LINGO2: variants seen among roughly 807,000 people sequenced by gnomAD.
The protein encoded by LINGO2 is leucine rich repeat and Ig domain containing 2, also known as leucine-rich repeat and immunoglobulin-like domain-containing nogo receptor-interacting protein 2.
Under a neutral mutation model 30.6 loss-of-function variants are expected in LINGO2, and 14 were observed. That is an observed-to-expected ratio of 0.46 (90% CI 0.30 to 0.72). The LOEUF is 0.72. LINGO2 is among the 30% of genes least tolerant of loss of function. LINGO2 has a pLI of 0.07. For missense variants in LINGO2, 729 were observed against 751.7 expected (o/e 0.97, Z 0.35); for synonymous variants, 317 against 288.5 (o/e 1.10, Z -1.00).
chr9:28,010,835 G>A (rs759564788), intron 5 of LINGO2, among the ~76,000 whole-genome samples: 6 of 152,260 alleles, frequency 3.9e-5, no homozygotes, highest in East Asian at 3.9e-4. Context: ...TGTGCCTGTC[G>A]TCCCAGCTAC....
intron 4 of LINGO2, among the ~76,000 whole-genome samples, chr9:28,128,500 C>T (rs538904162): frequency 1.1e-4 from 17 of 152,282 alleles, no homozygotes; most frequent in Middle Eastern, 6.8e-3. Flanking sequence ...TAATTTCCCA[C>T]GCATGATACC....
intron 1 of LINGO2, among the ~76,000 whole-genome samples, chr9:28,669,682 C>T (rs1327950887): frequency 6.6e-6 from 1 of 151,854 alleles, no homozygotes; most frequent in Admixed American, 6.6e-5. Context: ...ATACACAAGC[C>T]ACCGTAAGGG....
At chr9:28,449,660 T>C (rs545190497) in intron 2 of LINGO2, among the ~76,000 whole-genome samples, 2 of 152,224 alleles carry the variant, frequency 1.3e-5, no homozygotes, top group African/African-American at 4.8e-5. Context: ...ACGACGAGTC[T>C]GGAAAATGGA....
chr9:28,380,603 G>T, intron 2 of LINGO2, among the ~76,000 whole-genome samples: 1 of 151,954 alleles, frequency 6.6e-6, no homozygotes, highest in East Asian at 1.9e-4. Flanking sequence ...TAGATGTCTG[G>T]AAAGATGAGA....
At chr9:27,980,903 G>A (rs1820822693) in intron 5 of LINGO2, among the ~76,000 whole-genome samples, 1 of 151,832 alleles carries the variant, frequency 6.6e-6, no homozygotes, top group Admixed American at 6.6e-5. Flanking sequence ...TAATGAATTA[G>A]GAACTAAAGG....
intron 2 of LINGO2, among the ~76,000 whole-genome samples, chr9:28,453,350 G>T (rs1824722864): frequency 1.3e-5 from 2 of 151,858 alleles, no homozygotes; most frequent in African/African-American, 4.8e-5. Context: ...AATTTTTTTG[G>T]ATGTGTGAAG....
At chr9:28,375,131 CACATACA>C (rs747978164) in intron 2 of LINGO2, among the ~76,000 whole-genome samples, 1,757 of 129,036 alleles carry the variant, frequency 0.014, 11 homozygotes, top group Admixed American at 0.02. Context: ...CACACACACA[CACATACA>C]CCCCACACTA....
At chr9:28,255,434 T>C (rs1822351481) in intron 4 of LINGO2, among the ~76,000 whole-genome samples, 1 of 152,048 alleles carries the variant, frequency 6.6e-6, no homozygotes, top group East Asian at 1.9e-4. Flanking sequence ...TGCTCTACTA[T>C]TTATTAGCTG....
chr9:29,134,815 AT>A, the LINGO2 span, among the ~76,000 whole-genome samples: 6,262 of 152,124 alleles, frequency 0.041, 198 homozygotes, highest in Admixed American at 0.079. Flanking sequence ...ATGAATTCAT[AT>A]ATATATCCTT....
At chr9:29,158,420 T>C in the LINGO2 span, among the ~76,000 whole-genome samples, 1 of 152,160 alleles carries the variant, frequency 6.6e-6, no homozygotes, top group Non-Finnish European at 1.5e-5. Context: ...GTGATACTCA[T>C]TCTATTAATA....
chr9:29,074,678 CTTTTTTTTTTT>C, the LINGO2 span, among the ~76,000 whole-genome samples: 2 of 88,006 alleles, frequency 2.3e-5, no homozygotes, highest in African/African-American at 1.1e-4. Flanking sequence ...AAATTACTTA[CTTTTTTTTTTT>C]TTTTTTTTTT....
intron 4 of LINGO2, among the ~76,000 whole-genome samples, chr9:28,215,289 G>T (rs1820725608): frequency 6.6e-6 from 1 of 151,804 alleles, no homozygotes; most frequent in Non-Finnish European, 1.5e-5. Flanking sequence ...ACACTTGAAA[G>T]AACAGGACAT....
At chr9:28,401,027 G>A (rs1015933291) in intron 2 of LINGO2, among the ~76,000 whole-genome samples, 6 of 151,784 alleles carry the variant, frequency 4.0e-5, no homozygotes, top group Admixed American at 1.3e-4. Flanking sequence ...ATTAACATAC[G>A]GAAATGTGTT....
the LINGO2 span, among the ~76,000 whole-genome samples, chr9:28,841,448 T>C: frequency 1.3e-5 from 2 of 151,956 alleles, no homozygotes; most frequent in African/African-American, 4.8e-5. Flanking sequence ...TCTACAAATA[T>C]ATGCAGAAAA....
the LINGO2 span, among the ~76,000 whole-genome samples, chr9:28,843,028 A>G: frequency 6.6e-6 from 1 of 151,792 alleles, no homozygotes; most frequent in Admixed American, 6.6e-5. Context: ...GAACATGATA[A>G]ACGCTAATAT....
chr9:28,413,614 A>C (rs1822856070), intron 2 of LINGO2, among the ~76,000 whole-genome samples: 1 of 152,090 alleles, frequency 6.6e-6, no homozygotes, highest in Non-Finnish European at 1.5e-5. Flanking sequence ...TTCTTGGCAC[A>C]GGGTACCACA....
the LINGO2 span, among the ~76,000 whole-genome samples, chr9:29,085,281 T>TAAAAAAAAAAAAAAAAA: frequency 3.9e-5 from 3 of 77,036 alleles, no homozygotes; most frequent in Non-Finnish European, 5.4e-5. Context: ...CTATGGTAAG[T>TAAAAAAAAAAAAAAAAA]AAAAAAAAAA....
chr9:28,188,714 A>T lies in LINGO2; in HGVS notation c.-87+106494T>A, dbSNP rs1422267291. ...TATGGTGACAAGCCAAGGAAAATGC[A>T]GAAATGGTCACTATAACTATAGCAC... is the stretch of plus-strand genomic sequence containing the variant. On this transcript the variant is annotated intron_variant, in intron 4 of 5. Coordinates refer to ENST00000379992, the Ensembl canonical transcript of LINGO2. 2.6e-5 allele frequency among the ~76,000 whole-genome samples: 4 copies of T among 152,178 alleles called. No individual in the cohort carries two copies. The East Asian group carries it at 7.7e-4, about 29-fold the overall frequency.
chr9:28,474,189 T>C (rs1166781059), intron 2 of LINGO2, among the ~76,000 whole-genome samples: 2 of 152,190 alleles, frequency 1.3e-5, no homozygotes, highest in Non-Finnish European at 2.9e-5. Context: ...GTGCTGCAAT[T>C]TTCTTTGGTA....
Sources: allele counts gnomAD v4.1 joint callset (sites outside exome capture counted in the v4.1 genomes callset), GRCh38; gene constraint gnomAD v4.1.1; transcripts MANE v1.5; gene names NCBI Gene and HGNC (gene_info 2026-07-23, HGNC 2026-07-21).